Variants in SETD2 observed in about 807,000 individuals in gnomAD.
SETD2 encodes SET domain containing 2, histone lysine methyltransferase, also known as histone-lysine N-methyltransferase SETD2.
SETD2 carries 31 observed loss-of-function variants against 242.1 expected under a neutral mutation model. The ratio of observed to expected loss-of-function variants is 0.13; its 90% CI spans 0.10 to 0.17. The LOEUF (loss-of-function observed/expected upper bound fraction) is 0.17. Ranked by LOEUF, SETD2 falls within the 10% of genes least tolerant of loss-of-function variation. The pLI is 1.00. For synonymous variants in SETD2, 1,006 were observed against 1,066.5 expected (o/e 0.94, Z 1.11); for missense variants, 2,481 against 3,046.3 (o/e 0.81, Z 4.37).
chr3:47,087,399 A>G (rs925908766), intron 10 of SETD2, among the ~76,000 whole-genome samples: 1 of 152,154 alleles, frequency 6.6e-6, no homozygotes, highest in Non-Finnish European at 1.5e-5. Context: ...TTAGATTCTC[A>G]TAAGGAGTGT....
intron 18 of SETD2, among the ~76,000 whole-genome samples, chr3:47,032,267 T>G (rs1291265836): frequency 6.6e-6 from 1 of 150,682 alleles, no homozygotes; most frequent in Non-Finnish European, 1.5e-5. Context: ...ATCCCAGCAC[T>G]TTGGGAGGCC....
chr3:47,158,895 G>A (rs773783589), intron 1 of SETD2, among the ~76,000 whole-genome samples: 4 of 152,072 alleles, frequency 2.6e-5, no homozygotes, highest in Non-Finnish European at 5.9e-5. Context: ...AGAGGTTACC[G>A]AAGAGGTAAT....
chr3:47,128,692 T>G (rs1315077826), intron 1 of SETD2, among the ~76,000 whole-genome samples: 1 of 152,166 alleles, frequency 6.6e-6, no homozygotes, highest in Non-Finnish European at 1.5e-5. Flanking sequence ...CTCATAAATG[T>G]GATGTTAGCA....
chr3:47,029,333 T>C (rs773966944), intron 18 of SETD2, among the ~76,000 whole-genome samples: 7 of 151,946 alleles, frequency 4.6e-5, no homozygotes, highest in Non-Finnish European at 1.0e-4. Context: ...GCTAGGATTA[T>C]ACAGGTGTGA....
chr3:47,138,523 G>A (rs2043647167), intron 1 of SETD2, among the ~76,000 whole-genome samples: 1 of 152,110 alleles, frequency 6.6e-6, no homozygotes, highest in Non-Finnish European at 1.5e-5. Context: ...CCAGGTTCAA[G>A]TGATTCTCCT....
chr3:47,122,985 T>C lies in SETD2; in HGVS notation c.1651A>G (p.Ser551Gly), dbSNP rs2106692390. 6.2e-7 allele frequency: 1 copy of C among 1,613,706 alleles called. No homozygotes were observed. Among genetic ancestry groups the C allele is most frequent in the Non-Finnish European group, 8.5e-7 (1 of 1,179,574 alleles). ...AGGGTAGATTTATAACGGGAAGCACTACTGTCATGCTTAGAATATGATGAC... is the reference window on the plus strand; with the variant it reads ...AGGGTAGATTTATAACGGGAAGCACCACTGTCATGCTTAGAATATGATGAC... ...RGSSYSKHDS[S>G]ASRYKSTLSK... Residue 551 changes from serine to glycine, a missense_variant, in exon 3 of 21, where the codon AGT (serine) becomes GGT (glycine). Transcript: ENST00000409792.
intron 12 of SETD2, among the ~76,000 whole-genome samples, chr3:47,081,853 G>A (rs779446059): frequency 6.6e-6 from 1 of 152,188 alleles, no homozygotes; most frequent in Non-Finnish European, 1.5e-5. Flanking sequence ...GTTTGAAGAA[G>A]AGAGGAGAAT....
intron 16 of SETD2, among the ~76,000 whole-genome samples, chr3:47,046,031 G>A (rs2039509871): frequency 6.6e-6 from 1 of 151,796 alleles, no homozygotes; most frequent in Admixed American, 6.6e-5. Flanking sequence ...TGAATTTGGT[G>A]GCTACACAAA....
intron 1 of SETD2, among the ~76,000 whole-genome samples, chr3:47,149,437 T>C (rs1575847683): frequency 6.6e-6 from 1 of 151,798 alleles, no homozygotes; most frequent in African/African-American, 2.4e-5. Context: ...TTATTAGATA[T>C]AGTAGAAGGA....
At chr3:47,087,173 G>A (rs1314680389) in intron 10 of SETD2, among the ~76,000 whole-genome samples, 2 of 151,512 alleles carry the variant, frequency 1.3e-5, no homozygotes, top group African/African-American at 2.4e-5. Flanking sequence ...AGTAACTGGA[G>A]GGTAAAAGGC....
chr3:47,050,024 A>C (rs922552388), intron 15 of SETD2, among the ~76,000 whole-genome samples: 2 of 148,268 alleles, frequency 1.3e-5, no homozygotes, highest in Non-Finnish European at 3.0e-5. Flanking sequence ...ACATATATAT[A>C]TATGGGAAAA....
At position 47,085,093 on chromosome 3, in the gene SETD2, T is replaced by C. The variant is rs114948624; in HGVS notation, c.5398-711A>G. ...ATTATTTCTGCAAGAGTAGTGCAGTTTTGCTACTGCTTTATTAAGAACTAC... is the reference window on the plus strand; with the variant it reads ...ATTATTTCTGCAAGAGTAGTGCAGTCTTGCTACTGCTTTATTAAGAACTAC... On this transcript the variant is annotated intron_variant, in intron 11 of 20. Transcript: ENST00000409792. Among the ~76,000 whole-genome samples, 1,098 of 152,238 alleles carry C rather than the reference T, an allele frequency of 7.2e-3. 16 individuals are homozygous for C. The highest frequency in any genetic ancestry group is 0.025 in the African/African-American group (1,042 of 41,546).
At chr3:47,036,848 G>C (rs899424030) in intron 18 of SETD2, among the ~76,000 whole-genome samples, 3 of 144,476 alleles carry the variant, frequency 2.1e-5, no homozygotes, top group African/African-American at 7.8e-5. Context: ...GTTACAGTGA[G>C]CCGAGATTGT....
intron 13 of SETD2, among the ~76,000 whole-genome samples, chr3:47,065,246 A>T (rs564114312): frequency 5.9e-5 from 9 of 152,268 alleles, no homozygotes; most frequent in Admixed American, 2.0e-4. Flanking sequence ...CTATGAAGAG[A>T]CTAAACCAGA....
At chr3:47,127,134 A>G (rs1034325113) in intron 1 of SETD2, among the ~76,000 whole-genome samples, 1 of 151,926 alleles carries the variant, frequency 6.6e-6, no homozygotes, top group Non-Finnish European at 1.5e-5. Flanking sequence ...AGGCCGGCTG[A>G]TGGCTTGAGC....
At chr3:47,042,760 G>A (rs2107540519) in intron 16 of SETD2, 60 bp from the exon 17 acceptor site, 4 of 1,441,412 alleles carry the variant, frequency 2.8e-6, no homozygotes, top group Non-Finnish European at 3.8e-6. Context: ...GGCTGAATAG[G>A]ACAAAATAGC....
intron 14 of SETD2, among the ~76,000 whole-genome samples, chr3:47,061,017 G>A (rs2040308334): frequency 6.6e-6 from 1 of 152,186 alleles, no homozygotes; most frequent in South Asian, 2.1e-4. Flanking sequence ...AGGAGATCGA[G>A]ACCATCCTGG....
chr3:47,089,074 T>C (rs2041686900), intron 9 of SETD2, among the ~76,000 whole-genome samples: 1 of 152,188 alleles, frequency 6.6e-6, no homozygotes, highest in Non-Finnish European at 1.5e-5. Flanking sequence ...TCCAAAGAAT[T>C]ACATGCTATA....
chr3:47,077,295 C>G (rs1482048578), intron 12 of SETD2, among the ~76,000 whole-genome samples: 2 of 152,128 alleles, frequency 1.3e-5, no homozygotes, highest in African/African-American at 4.8e-5. Flanking sequence ...GTTGGCCAGG[C>G]TGGTCTTGAA....
Sources: gnomAD v4.1 joint callset for allele counts (sites outside exome capture counted in the v4.1 genomes callset) on GRCh38, gnomAD v4.1.1 for gene constraint, MANE v1.5 for transcripts, NCBI Gene and HGNC (gene_info 2026-07-23, HGNC 2026-07-21) for gene names.